Variants in MARCHF1 observed in about 807,000 individuals in gnomAD.
MARCHF1 encodes the protein membrane associated ring-CH-type finger 1.
In MARCHF1, 40 loss-of-function variants were observed where a neutral mutation model predicts 54.2. The observed-to-expected ratio is 0.74, with a 90% CI of 0.57 to 0.96. The LOEUF is 0.96. Ranked by LOEUF, MARCHF1 falls within the 40% of genes least tolerant of loss-of-function variation. MARCHF1 has a pLI of 0.00. For missense variants in MARCHF1, 586 were observed against 656.5 expected (o/e 0.89, Z 1.17); for synonymous variants, 236 against 236.3 (o/e 1.00, Z 0.01).
At chr4:163,825,091 T>C (rs1748810615) in intron 4 of MARCHF1, among the ~76,000 whole-genome samples, 1 of 151,958 alleles carries the variant, frequency 6.6e-6, no homozygotes, top group Admixed American at 6.6e-5. Context: ...AGTTTTTTGA[T>C]CCTCTCTCTC....
rs180934898 is a variant in MARCHF1, at chr4:163,596,410, T to C, written c.1011-10481A>G. On this transcript the variant is annotated intron_variant, in intron 7 of 9. Coordinates refer to ENST00000514618, the MANE Select transcript of MARCHF1 (RefSeq NM_001394959.1). ...CAAAAATTAGCCAGGCATGGTGGCA[T>C]GTGCCTGTAATCCCAGTTGTTTGGG... Among the ~76,000 whole-genome samples the C allele has an allele frequency of 2.3e-3, 347 of 151,896 alleles. 1 individual carries two copies. The highest frequency in any genetic ancestry group is 8.0e-3 in the African/African-American group (332 of 41,412).
At chr4:163,735,702 C>A (rs1374635398) in intron 4 of MARCHF1, among the ~76,000 whole-genome samples, 1 of 152,134 alleles carries the variant, frequency 6.6e-6, no homozygotes, top group Non-Finnish European at 1.5e-5. Context: ...TTGGCAAAAC[C>A]TGAATTTTAG....
chr4:164,129,650 G>A (rs999535811), intron 1 of MARCHF1, among the ~76,000 whole-genome samples: 1 of 152,146 alleles, frequency 6.6e-6, no homozygotes, highest in African/African-American at 2.4e-5. Flanking sequence ...TATTGCCTCA[G>A]TGTAGATTGT....
At chr4:163,800,283 G>C (rs1262915117) in intron 4 of MARCHF1, among the ~76,000 whole-genome samples, 1 of 151,742 alleles carries the variant, frequency 6.6e-6, no homozygotes, top group Non-Finnish European at 1.5e-5. Context: ...ATCAGAAAAA[G>C]GAAATGTAAT....
chr4:163,873,532 T>C (rs950749027), intron 3 of MARCHF1, among the ~76,000 whole-genome samples: 3 of 152,186 alleles, frequency 2.0e-5, no homozygotes, highest in Non-Finnish European at 4.4e-5. Flanking sequence ...TGGTGGGAGA[T>C]GCAGCCGCTC....
intron 2 of MARCHF1, among the ~76,000 whole-genome samples, chr4:163,999,037 T>G (rs1753134883): frequency 6.6e-6 from 1 of 151,658 alleles, no homozygotes; most frequent in South Asian, 2.1e-4. Flanking sequence ...CTGTTTTTCC[T>G]AGGACTGCAC....
chr4:164,143,707 G>A (rs1328457083), intron 1 of MARCHF1, among the ~76,000 whole-genome samples: 2 of 151,944 alleles, frequency 1.3e-5, no homozygotes, highest in South Asian at 2.1e-4. Flanking sequence ...GATACCAGCC[G>A]CTGCAAAATC....
At chr4:164,168,017 A>G (rs1338497994) in intron 1 of MARCHF1, among the ~76,000 whole-genome samples, 1 of 151,998 alleles carries the variant, frequency 6.6e-6, no homozygotes, top group East Asian at 1.9e-4. Context: ...TGTAAAACAA[A>G]CATCTGGTAA....
intron 1 of MARCHF1, among the ~76,000 whole-genome samples, chr4:164,151,375 C>G (rs1004411088): frequency 3.9e-5 from 6 of 152,134 alleles, no homozygotes; most frequent in African/African-American, 1.4e-4. Flanking sequence ...TGAGTGGTGA[C>G]AGGGGTGATA....
At chr4:164,359,513 G>C (rs1464729230) in intron 1 of MARCHF1, among the ~76,000 whole-genome samples, 2 of 152,096 alleles carry the variant, frequency 1.3e-5, no homozygotes, top group Admixed American at 6.6e-5. Context: ...CTGATACGCT[G>C]TATGTACATT....
At chr4:164,327,990 A>G (rs779021469) in intron 1 of MARCHF1, among the ~76,000 whole-genome samples, 1 of 152,244 alleles carries the variant, frequency 6.6e-6, no homozygotes, top group Non-Finnish European at 1.5e-5. Flanking sequence ...CCCAGGAGAG[A>G]TATTTGGGCT....
At chr4:164,106,018 C>G (rs1395687260) in intron 2 of MARCHF1, among the ~76,000 whole-genome samples, 2 of 150,324 alleles carry the variant, frequency 1.3e-5, no homozygotes, top group Non-Finnish European at 1.5e-5. Context: ...TGAAAAAATG[C>G]TCATCATCAC....
intron 4 of MARCHF1, among the ~76,000 whole-genome samples, chr4:163,721,353 C>G (rs1745450985): frequency 6.6e-6 from 1 of 152,036 alleles, no homozygotes; most frequent in Admixed American, 6.6e-5. Flanking sequence ...ATATGTTGAA[C>G]CAGCCTTGCA....
chr4:163,987,962 A>T (rs935211908), intron 3 of MARCHF1, among the ~76,000 whole-genome samples: 8 of 152,374 alleles, frequency 5.3e-5, no homozygotes, highest in African/African-American at 1.7e-4. Flanking sequence ...ACAGATATCA[A>T]ACAACAGTCA....
intron 3 of MARCHF1, among the ~76,000 whole-genome samples, chr4:163,938,648 G>A (rs1751850134): frequency 6.6e-6 from 1 of 152,128 alleles, no homozygotes; most frequent in African/African-American, 2.4e-5. Flanking sequence ...GTTTCATGCT[G>A]TTATGAAGAA....
chr4:164,013,568 A>G (rs534355952), intron 2 of MARCHF1, among the ~76,000 whole-genome samples: 1 of 152,176 alleles, frequency 6.6e-6, no homozygotes, highest in South Asian at 2.1e-4. Context: ...TTTAACCCAA[A>G]TAAGACTACC....
At chr4:164,026,438 A>G (rs527632111) in intron 2 of MARCHF1, among the ~76,000 whole-genome samples, 1 of 152,312 alleles carries the variant, frequency 6.6e-6, no homozygotes, top group South Asian at 2.1e-4. Context: ...GCAAATACAA[A>G]TAAATAAATG....
chr4:164,011,042 T>C (rs1466206473), intron 2 of MARCHF1, among the ~76,000 whole-genome samples: 1 of 152,060 alleles, frequency 6.6e-6, no homozygotes, highest in Admixed American at 6.5e-5. Flanking sequence ...ATGATGCTAA[T>C]AAAAACCTGG....
At chr4:164,177,141 G>A (rs1250361903) in intron 1 of MARCHF1, among the ~76,000 whole-genome samples, 1 of 151,388 alleles carries the variant, frequency 6.6e-6, no homozygotes, top group Non-Finnish European at 1.5e-5. Context: ...AGTGAAGCTA[G>A]ACAGGAGTAG....
Sources: gnomAD v4.1 joint callset for allele counts (sites outside exome capture counted in the v4.1 genomes callset) on GRCh38, gnomAD v4.1.1 for gene constraint, MANE v1.5 for transcripts, NCBI Gene and HGNC (gene_info 2026-07-23, HGNC 2026-07-21) for gene names.